The following EXOC6B variants were observed in gnomAD, a reference collection of about 807,000 sequenced individuals.
The protein encoded by EXOC6B is exocyst complex component 6B, also known as SEC15 homolog B.
In EXOC6B, 54 loss-of-function variants were observed where a neutral mutation model predicts 113.5. The observed-to-expected ratio is 0.48, with a 90% confidence interval of 0.38 to 0.60. EXOC6B has a LOEUF of 0.60. Ranked by LOEUF, EXOC6B falls within the 20% of genes least tolerant of loss-of-function variation. The pLI, the probability that EXOC6B is intolerant of heterozygous loss-of-function variation, is 0.00. For synonymous variants in EXOC6B, 357 were observed against 339.0 expected, an observed-to-expected ratio of 1.05 and a Z score of -0.58; for missense variants, 797 against 977.5, an observed-to-expected ratio of 0.82 and a Z score of 2.46.
At chr2:72,610,397 G>C (rs1671005851) in intron 6 of EXOC6B, among the ~76,000 whole-genome samples, 1 of 152,080 alleles carries the variant, frequency 6.6e-6, no homozygotes, top group Non-Finnish European at 1.5e-5. Context: ...ACCAGATCTT[G>C]GTTTCTAAAT....
intron 6 of EXOC6B, among the ~76,000 whole-genome samples, chr2:72,690,552 C>G (rs1677413870): frequency 6.6e-6 from 1 of 152,182 alleles, no homozygotes; most frequent in Non-Finnish European, 1.5e-5. Context: ...CACTGATTAA[C>G]TACTACTGAC....
chr2:72,405,561 G>T (rs925839334), intron 18 of EXOC6B, among the ~76,000 whole-genome samples: 3 of 152,178 alleles, frequency 2.0e-5, no homozygotes, highest in Admixed American at 2.0e-4. Flanking sequence ...CATTCTTACA[G>T]AAAAGAATTT....
intron 16 of EXOC6B, among the ~76,000 whole-genome samples, chr2:72,489,507 C>T (rs1699621978): frequency 6.6e-6 from 1 of 152,142 alleles, no homozygotes; most frequent in Non-Finnish European, 1.5e-5. Flanking sequence ...AGGTAATATG[C>T]ATTGAGTATT....
chr2:72,711,822 G>T (rs1446475368), intron 6 of EXOC6B, among the ~76,000 whole-genome samples: 1 of 152,140 alleles, frequency 6.6e-6, no homozygotes, highest in Non-Finnish European at 1.5e-5. Flanking sequence ...ATACAGCATG[G>T]ATACGCTGGA....
intron 20 of EXOC6B, among the ~76,000 whole-genome samples, chr2:72,220,410 G>T (rs1403658217): frequency 6.6e-6 from 1 of 152,060 alleles, no homozygotes; most frequent in East Asian, 1.9e-4. Flanking sequence ...GCCCCCTGGG[G>T]GCAGCAGAGA....
At chr2:72,675,647 G>A (rs1676244734) in intron 6 of EXOC6B, among the ~76,000 whole-genome samples, 1 of 152,122 alleles carries the variant, frequency 6.6e-6, no homozygotes, top group South Asian at 2.1e-4. Flanking sequence ...ACAAAAATTA[G>A]CCAGGCATGG....
intron 18 of EXOC6B, among the ~76,000 whole-genome samples, chr2:72,382,309 T>C (rs972021492): frequency 5.3e-5 from 8 of 152,160 alleles, no homozygotes; most frequent in African/African-American, 1.9e-4. Flanking sequence ...CATCGCTTGC[T>C]TTTGTCAGCT....
chr2:72,365,366 C>G (rs1690556324), intron 19 of EXOC6B, among the ~76,000 whole-genome samples: 1 of 151,928 alleles, frequency 6.6e-6, no homozygotes, highest in African/African-American at 2.4e-5. Context: ...ACCTGGAAAA[C>G]TGTACAAGGA....
chr2:72,668,044 G>C (rs1240797367), intron 6 of EXOC6B, among the ~76,000 whole-genome samples: 5 of 152,144 alleles, frequency 3.3e-5, no homozygotes, highest in African/African-American at 1.2e-4. Context: ...CCCAGTAAAA[G>C]TGGGCAAAGG....
intron 17 of EXOC6B, among the ~76,000 whole-genome samples, chr2:72,473,585 TGTAG>T (rs1242147470): frequency 1.3e-5 from 2 of 152,162 alleles, no homozygotes; most frequent in Admixed American, 1.3e-4. Flanking sequence ...TTATGTTTCT[TGTAG>T]GCAGCATATG....
At chr2:72,180,661 C>G (rs527364068) in intron 21 of EXOC6B, among the ~76,000 whole-genome samples, 3 of 152,158 alleles carry the variant, frequency 2.0e-5, no homozygotes, top group Non-Finnish European at 4.4e-5. Flanking sequence ...AAATTGCCCC[C>G]AGGCTATTTC....
chr2:72,578,029 T>A (rs543219427), intron 6 of EXOC6B, among the ~76,000 whole-genome samples: 1 of 152,252 alleles, frequency 6.6e-6, no homozygotes, highest in Non-Finnish European at 1.5e-5. Context: ...TTTCCTAATA[T>A]AGAGAAATTG....
At chr2:72,582,710 G>GA (rs1705302893) in intron 6 of EXOC6B, among the ~76,000 whole-genome samples, 1 of 152,028 alleles carries the variant, frequency 6.6e-6, no homozygotes, top group Admixed American at 6.6e-5. Flanking sequence ...CTGGCACCAT[G>GA]AAAAATCTGA....
intron 18 of EXOC6B, among the ~76,000 whole-genome samples, chr2:72,395,777 C>T (rs917779796): frequency 6.6e-6 from 1 of 152,076 alleles, no homozygotes; most frequent in African/African-American, 2.4e-5. Flanking sequence ...TGATCTTCCT[C>T]AGTAGTGAAA....
chr2:72,711,946 C>T (rs190442352), intron 6 of EXOC6B, among the ~76,000 whole-genome samples: 1 of 152,286 alleles, frequency 6.6e-6, no homozygotes, highest in African/African-American at 2.4e-5. Context: ...TATTTTTGAA[C>T]TGCAGTTGAC....
chr2:72,684,920 A>C (rs1441081855), intron 6 of EXOC6B, among the ~76,000 whole-genome samples: 2 of 152,156 alleles, frequency 1.3e-5, no homozygotes, highest in Admixed American at 1.3e-4. Context: ...ATAGGGGTTT[A>C]GGTTAAGCAT....
At chr2:72,697,154 G>GATATA (rs1677954473) in intron 6 of EXOC6B, among the ~76,000 whole-genome samples, 1 of 89,086 alleles carries the variant, frequency 1.1e-5, no homozygotes, top group Non-Finnish European at 2.4e-5. Flanking sequence ...ATATAGATAT[G>GATATA]GGGTATACAC....
intron 20 of EXOC6B, among the ~76,000 whole-genome samples, chr2:72,198,374 T>C (rs1022736732): frequency 6.6e-6 from 1 of 152,192 alleles, no homozygotes; most frequent in Non-Finnish European, 1.5e-5. Context: ...AAAAGGACTT[T>C]TCAGATCAGG....
At chr2:72,647,900 C>T (rs1673857610) in intron 6 of EXOC6B, among the ~76,000 whole-genome samples, 1 of 152,160 alleles carries the variant, frequency 6.6e-6, no homozygotes, top group Non-Finnish European at 1.5e-5. Context: ...ACACCAAAAG[C>T]ACTGGCAAGA....
Sources: gnomAD v4.1 joint callset for allele counts (sites outside exome capture counted in the v4.1 genomes callset) on GRCh38, gnomAD v4.1.1 for gene constraint, MANE v1.5 for transcripts, NCBI Gene and HGNC (gene_info 2026-07-23, HGNC 2026-07-21) for gene names.